SORBS2: variants seen among roughly 807,000 people sequenced by gnomAD.
SORBS2 encodes sorbin and SH3 domain-containing protein 2.
In SORBS2, 46 loss-of-function variants were observed where a neutral mutation model predicts 97.7. That is an observed-to-expected ratio of 0.47 (90% CI 0.37 to 0.60). The LOEUF is 0.60. SORBS2 is among the 20% of genes least tolerant of loss of function. The pLI is 0.00. For missense variants in SORBS2, 1,316 were observed against 1,282.3 expected (o/e 1.03, Z -0.40); for synonymous variants, 476 against 473.4 (o/e 1.01, Z -0.07).
intron 1 of SORBS2, among the ~76,000 whole-genome samples, chr4:185,778,176 G>T (rs2153631785): frequency 6.6e-6 from 1 of 152,250 alleles, no homozygotes; most frequent in African/African-American, 2.4e-5. Flanking sequence ...TATGTGACTT[G>T]CATTCTATTT....
chr4:185,780,093 G>A (rs367570476), intron 1 of SORBS2, among the ~76,000 whole-genome samples: 49 of 132,222 alleles, frequency 3.7e-4, no homozygotes, highest in African/African-American at 9.2e-4. Flanking sequence ...TCGGCTCACC[G>A]CAACCTCTAC....
At chr4:185,931,423 T>C (rs2099266375) in intron 1 of SORBS2, among the ~76,000 whole-genome samples, 1 of 152,148 alleles carries the variant, frequency 6.6e-6, no homozygotes, top group African/African-American at 2.4e-5. Flanking sequence ...GGTTTGTAGT[T>C]GGGAAGAGTG....
At chr4:185,855,726 A>C (rs1429013181) in intron 1 of SORBS2, among the ~76,000 whole-genome samples, 1 of 152,212 alleles carries the variant, frequency 6.6e-6, no homozygotes, top group African/African-American at 2.4e-5. Context: ...TGGGACTCCC[A>C]CCAAATCCAT....
At chr4:185,619,718 G>C (rs570022757) in intron 8 of SORBS2, among the ~76,000 whole-genome samples, 3 of 152,132 alleles carry the variant, frequency 2.0e-5, no homozygotes, top group African/African-American at 4.8e-5. Flanking sequence ...CTGGACCAGC[G>C]GGCCAAGAAA....
intron 1 of SORBS2, 146 bp from the exon 10 acceptor site, chr4:185,652,874 C>G: frequency 1.5e-6 from 1 of 665,358 alleles, no homozygotes; most frequent in Non-Finnish European, 2.7e-6. Flanking sequence ...GGCTTCATGA[C>G]AGTTTCAGCA....
At chr4:185,644,169 G>A (rs183763361) in intron 4 of SORBS2, among the ~76,000 whole-genome samples, 52 of 152,268 alleles carry the variant, frequency 3.4e-4, no homozygotes, top group African/African-American at 1.3e-3. Context: ...GTTTAGGAGG[G>A]TTAACATTTT....
chr4:185,729,704 A>C (rs975241801), intron 2 of SORBS2, among the ~76,000 whole-genome samples: 3 of 152,234 alleles, frequency 2.0e-5, no homozygotes, highest in Admixed American at 1.3e-4. Flanking sequence ...CTAATGACTC[A>C]GATTCCAGAT....
chr4:185,811,376 C>T (rs1187455569), intron 1 of SORBS2, among the ~76,000 whole-genome samples: 1 of 152,152 alleles, frequency 6.6e-6, no homozygotes, highest in Non-Finnish European at 1.5e-5. Flanking sequence ...GCTGTGAGGA[C>T]GGTTCAGAAC....
chr4:185,612,491 A>T (rs74979794), intron 11 of SORBS2, among the ~76,000 whole-genome samples: 1,475 of 114,884 alleles, frequency 0.013, 17 homozygotes, highest in African/African-American at 0.041. Context: ...TTTTATTTCT[A>T]TTTTTTTTTT....
intron 1 of SORBS2, among the ~76,000 whole-genome samples, chr4:185,811,421 G>GT (rs1332021901): frequency 6.6e-6 from 1 of 152,096 alleles, no homozygotes; most frequent in East Asian, 1.9e-4. Flanking sequence ...GTAAATATTG[G>GT]TTTTAAAACC....
chr4:185,746,532 G>A (rs2098761966), intron 2 of SORBS2, among the ~76,000 whole-genome samples: 1 of 152,098 alleles, frequency 6.6e-6, no homozygotes, highest in Admixed American at 6.5e-5. Flanking sequence ...GGCCAGGCTG[G>A]TTCTCGAACT....
intron 2 of SORBS2, among the ~76,000 whole-genome samples, chr4:185,683,527 A>G (rs1461691731): frequency 1.3e-5 from 2 of 152,148 alleles, no homozygotes; most frequent in Admixed American, 1.3e-4. Context: ...TCCAAGGTAA[A>G]TACATCTGTA....
chr4:185,917,654 G>T (rs2099258907), intron 1 of SORBS2, among the ~76,000 whole-genome samples: 2 of 152,182 alleles, frequency 1.3e-5, no homozygotes, highest in South Asian at 4.1e-4. Context: ...AGAAGCACAG[G>T]TTATTCAACC....
Position 185,877,856 on chromosome 4 carries a change from T to G in SORBS2, c.-338+78340A>C, listed in dbSNP as rs181134705. Among the ~76,000 whole-genome samples, 19 of 97,992 alleles carry G rather than the reference T, an allele frequency of 1.9e-4. No homozygotes were observed. In the Admixed American group the frequency reaches 2.0e-3, roughly 10 times the overall value. 64.3% of individuals were successfully genotyped at this position (97,992 alleles called of 152,430 possible). A position where few individuals can be genotyped will look rare whatever the true frequency, so the allele number is the denominator to read the frequency against. ...CTGCACTCCAGCCTGGGTGACAGAG[T>G]GAGACTCTGTCAAAAAACAAAAAAA... On this transcript the variant is annotated intron_variant, in intron 1 of 20. Coordinates refer to the SORBS2 transcript ENST00000284776.
chr4:185,750,794 T>G (rs2098794018), intron 2 of SORBS2, among the ~76,000 whole-genome samples: 1 of 152,130 alleles, frequency 6.6e-6, no homozygotes, highest in African/African-American at 2.4e-5. Flanking sequence ...TTTAGATTTT[T>G]GGCTGTCAAT....
intron 1 of SORBS2, among the ~76,000 whole-genome samples, chr4:185,885,571 C>T (rs2099238990): frequency 6.6e-6 from 1 of 152,198 alleles, no homozygotes; most frequent in Non-Finnish European, 1.5e-5. Flanking sequence ...CTCATGATCT[C>T]CTTAGGCCTA....
chr4:185,944,879 C>T (rs2099273802), intron 1 of SORBS2, among the ~76,000 whole-genome samples: 1 of 147,958 alleles, frequency 6.8e-6, no homozygotes, highest in African/African-American at 2.4e-5. Flanking sequence ...CTACCAACAG[C>T]CGAAATATTT....
intron 2 of SORBS2, among the ~76,000 whole-genome samples, chr4:185,749,642 A>T (rs1584072670): frequency 2.6e-5 from 4 of 152,320 alleles, no homozygotes; most frequent in Admixed American, 2.6e-4. Context: ...AACAGTAAAG[A>T]TACATTAGTT....
At chr4:185,902,738 T>C (rs568966619) in intron 1 of SORBS2, among the ~76,000 whole-genome samples, 1 of 152,042 alleles carries the variant, frequency 6.6e-6, no homozygotes, top group South Asian at 2.1e-4. Context: ...TGTTCAGTCC[T>C]GATTGCTTTC....
Sources: allele counts gnomAD v4.1 joint callset (sites outside exome capture counted in the v4.1 genomes callset), GRCh38; gene constraint gnomAD v4.1.1; transcripts MANE v1.5; gene names NCBI Gene and HGNC (gene_info 2026-07-23, HGNC 2026-07-21).